The following WWOX variants were observed in gnomAD, a reference collection of about 807,000 sequenced individuals.
WWOX encodes the protein WW domain containing oxidoreductase.
WWOX carries 69 observed loss-of-function variants against 46.2 expected under a neutral mutation model. The ratio of observed to expected loss-of-function variants is 1.49; its 90% CI spans 1.23 to 1.82. The LOEUF (loss-of-function observed/expected upper bound fraction) is 1.82. Among genes scored for constraint, WWOX ranks in the 40% most tolerant of loss-of-function variants. The probability of loss-of-function intolerance (pLI) is 0.00; values close to 1 mark genes in which losing one functional copy is unlikely to be tolerated. For synonymous variants in WWOX, 359 were observed against 202.6 expected (o/e 1.77, Z -6.56); for missense variants, 919 against 542.6 (o/e 1.69, Z -6.89).
intron 5 of WWOX, among the ~76,000 whole-genome samples, chr16:78,289,299 G>A (rs1036275810): frequency 2.6e-5 from 4 of 152,146 alleles, no homozygotes; most frequent in African/African-American, 9.7e-5. Context: ...TAAAACCTAG[G>A]CGAGGAGAGT....
chr16:78,377,590 C>T (rs1184858675), intron 5 of WWOX, among the ~76,000 whole-genome samples: 2 of 152,216 alleles, frequency 1.3e-5, no homozygotes, highest in Admixed American at 1.3e-4. Flanking sequence ...ATCATGTTGA[C>T]TGCCAACCTC....
intron 8 of WWOX, among the ~76,000 whole-genome samples, chr16:78,794,664 C>A (rs983984674): frequency 6.6e-6 from 1 of 152,228 alleles, no homozygotes; most frequent in Non-Finnish European, 1.5e-5. Context: ...TAAGTTATAG[C>A]TGTTGCTGTC....
At chr16:78,501,161 A>G (rs2085054615) in intron 8 of WWOX, among the ~76,000 whole-genome samples, 1 of 119,724 alleles carries the variant, frequency 8.4e-6, no homozygotes, top group Non-Finnish European at 1.8e-5. Context: ...CCTCACTGCA[A>G]TACATGTTTT....
chr16:78,966,756 C>T (rs776096987), intron 8 of WWOX, among the ~76,000 whole-genome samples: 93 of 152,156 alleles, frequency 6.1e-4, no homozygotes, highest in Non-Finnish European at 1.0e-3. Context: ...GCTGATATCA[C>T]TGAAAATGGA....
intron 8 of WWOX, among the ~76,000 whole-genome samples, chr16:78,472,575 A>G (rs144497199): frequency 1.8e-4 from 27 of 152,194 alleles, no homozygotes; most frequent in African/African-American, 4.8e-4. Flanking sequence ...TTGGAAGGCC[A>G]AGGCGGGTGG....
intron 8 of WWOX, among the ~76,000 whole-genome samples, chr16:79,135,812 T>G (rs2049971649): frequency 6.6e-6 from 1 of 152,082 alleles, no homozygotes. Context: ...TAATTGTGAG[T>G]GATGTTGGGT....
intron 8 of WWOX, among the ~76,000 whole-genome samples, chr16:78,764,604 T>G (rs1450142725): frequency 2.1e-5 from 3 of 144,342 alleles, no homozygotes; most frequent in Non-Finnish European, 4.5e-5. Context: ...CGGGTGGGTT[T>G]GGAAGCCATG....
intron 8 of WWOX, among the ~76,000 whole-genome samples, chr16:78,764,552 C>T (rs1199153113): frequency 2.9e-5 from 4 of 140,206 alleles, no homozygotes; most frequent in African/African-American, 1.1e-4. Flanking sequence ...TGACATTTCT[C>T]CTTTGGCCTT....
rs557507505 is a variant in WWOX, at chr16:78,687,127, G to C, written c.1056+254375G>C. ...AATGAGAGTACTGATGACATAAAAG[G>C]TTATACATTGAATAACCACCCAAAT... On this transcript the variant is annotated intron_variant, in intron 8 of 8. Transcript: ENST00000566780. 5.9e-5 allele frequency among the ~76,000 whole-genome samples: 9 copies of C among 152,050 alleles called. 1 individual carries two copies. In the South Asian group the frequency reaches 6.3e-4, roughly 11 times the overall value.
At chr16:78,347,967 G>C (rs943126752) in intron 5 of WWOX, among the ~76,000 whole-genome samples, 1 of 122,598 alleles carries the variant, frequency 8.2e-6, no homozygotes, top group Non-Finnish European at 2.0e-5. Flanking sequence ...GAAAGGCCAA[G>C]AGTAAGATTC....
At chr16:78,741,362 A>G (rs2049223046) in intron 8 of WWOX, among the ~76,000 whole-genome samples, 1 of 152,100 alleles carries the variant, frequency 6.6e-6, no homozygotes, top group Non-Finnish European at 1.5e-5. Flanking sequence ...GGAGATCGAG[A>G]TCAGCCGGGC....
intron 8 of WWOX, among the ~76,000 whole-genome samples, chr16:78,769,248 T>C (rs1368428516): frequency 6.6e-6 from 1 of 152,228 alleles, no homozygotes; most frequent in Non-Finnish European, 1.5e-5. Context: ...ACAGCCCGTG[T>C]AATGCCACCT....
At chr16:78,850,398 C>A (rs373275780) in intron 8 of WWOX, among the ~76,000 whole-genome samples, 2 of 152,088 alleles carry the variant, frequency 1.3e-5, no homozygotes, top group Non-Finnish European at 2.9e-5. Flanking sequence ...CCTGTTGTAA[C>A]ATAGTGATTA....
chr16:78,825,721 C>T (rs748864534), intron 8 of WWOX: 4 of 567,922 alleles, frequency 7.0e-6, no homozygotes, highest in Non-Finnish European at 1.3e-5. Context: ...AGGGTCAAAT[C>T]CATGAGTTTG....
At chr16:78,545,515 G>A (rs1447577038) in intron 8 of WWOX, among the ~76,000 whole-genome samples, 1 of 152,126 alleles carries the variant, frequency 6.6e-6, no homozygotes, top group Admixed American at 6.6e-5. Context: ...ACCATGTCTG[G>A]CTTAAATCCA....
rs549821446 is a variant in WWOX, at chr16:78,744,589, AC to A, written c.1056+311839del. Among the ~76,000 whole-genome samples, 281 of 150,936 alleles carry A rather than the reference AC, an allele frequency of 1.9e-3. 1 individual carries two copies. The highest frequency in any genetic ancestry group is 6.3e-3 in the African/African-American group (259 of 41,168). ...TGGGATTACAGGCACCTGCCACCAC[AC>A]CTGGCTAATTTTTGTATTTTTAGTA... is the stretch of plus-strand genomic sequence containing the variant. On this transcript the variant is annotated intron_variant, in intron 8 of 8. Coordinates refer to ENST00000566780, the MANE Select transcript of WWOX (RefSeq NM_016373.4).
intron 8 of WWOX, among the ~76,000 whole-genome samples, chr16:79,189,446 TG>T (rs1214568169): frequency 1.1e-4 from 16 of 144,150 alleles, no homozygotes; most frequent in Admixed American, 5.5e-4. Context: ...TGTGTGTGTG[TG>T]TGTGTGTGTG....
At chr16:78,332,922 TAACTA>T (rs1196187976) in intron 5 of WWOX, among the ~76,000 whole-genome samples, 1 of 152,160 alleles carries the variant, frequency 6.6e-6, no homozygotes, top group African/African-American at 2.4e-5. Flanking sequence ...CTTATAATCT[TAACTA>T]TAATAATCAT....
At chr16:78,970,128 C>T (rs1314953555) in intron 8 of WWOX, among the ~76,000 whole-genome samples, 2 of 152,112 alleles carry the variant, frequency 1.3e-5, no homozygotes, top group East Asian at 3.9e-4. Context: ...CCAGATGTGG[C>T]CTGAGTAGCA....
Sources: gnomAD v4.1 joint callset for allele counts (sites outside exome capture counted in the v4.1 genomes callset) on GRCh38, gnomAD v4.1.1 for gene constraint, MANE v1.5 for transcripts, NCBI Gene and HGNC (gene_info 2026-07-23, HGNC 2026-07-21) for gene names.